Variants in SMO observed in about 807,000 individuals in gnomAD.
SMO encodes smoothened, frizzled class receptor.
A neutral mutation model predicts 81.6 loss-of-function variants in SMO; 40 were observed. That is an observed-to-expected ratio of 0.49 (90% confidence interval 0.38 to 0.64). The LOEUF (loss-of-function observed/expected upper bound fraction) is 0.64. Among genes scored for constraint, SMO ranks in the 30% least tolerant of loss-of-function variants. SMO has a pLI of 0.00. For missense variants in SMO, 916 were observed against 1,061.1 expected, an observed-to-expected ratio of 0.86 and a Z score of 1.90; for synonymous variants, 434 against 432.1, an observed-to-expected ratio of 1.00 and a Z score of -0.05.
chr7:129,206,201 C>T lies in SMO; in HGVS notation c.972C>T (p.Ala324=), dbSNP rs1214444654. Residue 324 remains alanine, a synonymous_variant, in exon 5 of 12, where the codon GCC becomes GCT. Transcript: ENST00000249373. The surrounding 1 kb of genome is among the most constrained non-coding windows in gnomAD (Gnocchi z 4.4). ...TCATCTTTGTCATCGTGTACTACGC[C>T]CTGATGGCTGGTGTGGTTTGGTTTG... ...CVIIFVIVYY[A]LMAGVVWFVV... is the part of the protein sequence containing the mutation. 2.5e-6 allele frequency: 4 copies of T among 1,613,758 alleles called. No individual in the cohort carries two copies. Among genetic ancestry groups the T allele is most frequent in the Admixed American group, 1.7e-5 (1 of 60,002 alleles).
intron 1 of SMO, among the ~76,000 whole-genome samples, chr7:129,194,208 T>A (rs557313294): frequency 7.7e-4 from 117 of 151,506 alleles, no homozygotes; most frequent in Non-Finnish European, 1.3e-3. Flanking sequence ...AAGTCTTTTT[T>A]AAAAAAAAAT....
At position 129,189,561 on chromosome 7, in the gene SMO, G is replaced by T; in HGVS notation, c.331+79G>T. On this transcript the variant is annotated intron_variant, in intron 1 of 11. Coordinates refer to ENST00000249373, the MANE Select transcript of SMO (RefSeq NM_005631.5). This position sits in a 1 kb window ranked among gnomAD's most constrained non-coding sequence, Gnocchi z 4.7. The stretch of plus-strand genomic sequence containing the variant: ...GGCACCCTTGGAAAGAACAGGCTCA[G>T]GCCTGAGTTTTGGAGAGGGCGGGGA... 6.8e-7 allele frequency: 1 copy of T among 1,474,906 alleles called. No individual in the cohort carries two copies. Among genetic ancestry groups the T allele is most frequent in the Non-Finnish European group, 9.1e-7 (1 of 1,100,468 alleles). The allele number at this position is 1,474,906 out of a possible 1,614,324, so 91.4% of individuals were successfully genotyped here. A position where few individuals can be genotyped will look rare whatever the true frequency, so the allele number is the denominator to read the frequency against.
chr7:129,201,499 T>A (rs1415649542), intron 1 of SMO, among the ~76,000 whole-genome samples: 1 of 152,180 alleles, frequency 6.6e-6, no homozygotes, highest in Non-Finnish European at 1.5e-5. Flanking sequence ...CATAGACTTA[T>A]GTAACCAGCC....
rs2150637490 is a variant in SMO, at chr7:129,189,031, T to G, written c.-121T>G. The G allele has an allele frequency of 2.3e-6, 2 of 882,578 alleles. No individual in the cohort carries two copies. Among genetic ancestry groups the G allele is most frequent in the Non-Finnish European group, 3.0e-6 (2 of 677,606 alleles). 54.7% of individuals were successfully genotyped at this position (882,578 alleles called of 1,614,324 possible). On this transcript the variant is annotated 5_prime_UTR_variant, in exon 1 of 12. Transcript: ENST00000249373. The surrounding 1 kb of genome is among the most constrained non-coding windows in gnomAD (Gnocchi z 4.7). ...GCGTCCGGGGGGGCCCGGGCCCGGATTCTCTGGGCGCACAGGTCGCCTGAG... is the reference window on the plus strand; with the variant it reads ...GCGTCCGGGGGGGCCCGGGCCCGGAGTCTCTGGGCGCACAGGTCGCCTGAG...
At chr7:129,194,884 C>T (rs1211176895) in intron 1 of SMO, among the ~76,000 whole-genome samples, 4 of 152,068 alleles carry the variant, frequency 2.6e-5, no homozygotes, top group South Asian at 2.1e-4. Flanking sequence ...TGGGTTCAAA[C>T]GATTCTCCTG....
intron 6 of SMO, among the ~76,000 whole-genome samples, chr7:129,207,294 G>A (rs1246455323): frequency 2.0e-5 from 3 of 152,142 alleles, no homozygotes; most frequent in Non-Finnish European, 4.4e-5. Flanking sequence ...AATTCGATAT[G>A]TACTGTCAAT....
chr7:129,189,066 CGGCCGCCGA>C lies in SMO; in HGVS notation c.-83_-75del. ...GCACAGGTCGCCTGAGCCGCCTCCGCGGCCGCCGAGGTCGTGCGTGTGGCCGGGGGGCTC... is the reference window on the plus strand; with the variant it reads ...GCACAGGTCGCCTGAGCCGCCTCCGCGGTCGTGCGTGTGGCCGGGGGGCTC... On this transcript the variant is annotated 5_prime_UTR_variant, in exon 1 of 12. Coordinates refer to ENST00000249373, the MANE Select transcript of SMO (RefSeq NM_005631.5). This position sits in a 1 kb window ranked among gnomAD's most constrained non-coding sequence, Gnocchi z 4.7. 8.5e-7 allele frequency: 1 copy of C among 1,175,772 alleles called. No individual in the cohort carries two copies. The highest frequency in any genetic ancestry group is 1.1e-6 in the Non-Finnish European group (1 of 944,014). The allele number at this position is 1,175,772 out of a possible 1,614,324, so 72.8% of individuals were successfully genotyped here.
intron 1 of SMO, among the ~76,000 whole-genome samples, chr7:129,195,359 C>G (rs572307658): frequency 4.8e-4 from 73 of 152,292 alleles, no homozygotes; most frequent in Non-Finnish European, 9.3e-4. Flanking sequence ...TATTATCAGC[C>G]TTTTACATTT....
intron 1 of SMO, among the ~76,000 whole-genome samples, chr7:129,190,266 G>C (rs1398945138): frequency 6.6e-6 from 1 of 152,186 alleles, no homozygotes; most frequent in Non-Finnish European, 1.5e-5. Context: ...CTTCCATGGT[G>C]GTTTGAAGTC....
Position 129,201,869 on chromosome 7 carries a change from C to T in SMO, c.332-1515C>T, listed in dbSNP as rs1384239391. Among the ~76,000 whole-genome samples the T allele has an allele frequency of 3.9e-5, 6 of 152,012 alleles. 1 individual carries two copies. In the Middle Eastern group the frequency reaches 0.01, roughly 259 times the overall value. On this transcript the variant is annotated intron_variant, in intron 1 of 11. Coordinates refer to ENST00000249373, the MANE Select transcript of SMO (RefSeq NM_005631.5). ...CTAATTTTTGTATTTTTAGTAGAGA[C>T]GGGGTTTCACCTTGTTGGCCAGGCT...
At chr7:129,207,242 A>G (rs1345543363) in intron 6 of SMO, among the ~76,000 whole-genome samples, 1 of 152,128 alleles carries the variant, frequency 6.6e-6, no homozygotes, top group African/African-American at 2.4e-5. Flanking sequence ...TACTCTGCCC[A>G]CTTGGACCAA....
chr7:129,206,639 TTGC>T lies in SMO; in HGVS notation c.1264+56_1264+58del. On this transcript the variant is annotated intron_variant, in intron 6 of 11. Transcript: ENST00000249373. This position sits in a 1 kb window ranked among gnomAD's most constrained non-coding sequence, Gnocchi z 4.4. Reference sequence around the variant, plus strand: ...TTGGGCAACAAAATATACTGGGCACTTGCTGCCAGTACTGGGAGCTGCCAGCAC... The same window carrying T: ...TTGGGCAACAAAATATACTGGGCACTTGCCAGTACTGGGAGCTGCCAGCAC... 1 of 1,593,156 alleles carries T rather than the reference TTGC, an allele frequency of 6.3e-7. No individual in the cohort carries two copies.
At position 129,206,655 on chromosome 7, in the gene SMO, G is replaced by A. The variant is rs1793771354; in HGVS notation, c.1264+68G>A. On this transcript the variant is annotated intron_variant, in intron 6 of 11. Transcript: ENST00000249373. The surrounding 1 kb of genome is among the most constrained non-coding windows in gnomAD (Gnocchi z 4.4). ...ACTGGGCACTTGCTGCCAGTACTGGGAGCTGCCAGCACGGCTGCCCCCATG... is the reference window on the plus strand; with the variant it reads ...ACTGGGCACTTGCTGCCAGTACTGGAAGCTGCCAGCACGGCTGCCCCCATG... 5.1e-6 allele frequency: 8 copies of A among 1,557,890 alleles called. No homozygotes were observed. Among genetic ancestry groups the A allele is most frequent in the African/African-American group, 1.3e-5 (1 of 74,182 alleles).
At chr7:129,193,206 T>C (rs1461456318) in intron 1 of SMO, among the ~76,000 whole-genome samples, 1 of 152,226 alleles carries the variant, frequency 6.6e-6, no homozygotes, top group Non-Finnish European at 1.5e-5. Flanking sequence ...GATAGGTCCC[T>C]GAGAGCCAGC....
In SMO at chr7:129,205,595, A is replaced by C. The variant is rs766392321; in HGVS notation, c.748-15A>C. The stretch of plus-strand genomic sequence containing the variant: ...TAACCCTAACCTCACAGAATGGCCC[A>C]CTTCTCTCTTCTAGGCCACATTCGT... On this transcript the variant is annotated splice_polypyrimidine_tract_variant and intron_variant, in intron 3 of 11. Coordinates refer to ENST00000249373, the MANE Select transcript of SMO (RefSeq NM_005631.5). The C allele has an allele frequency of 6.2e-7, 1 of 1,609,058 alleles. No homozygotes were observed. The highest frequency in any genetic ancestry group is 1.1e-5 in the South Asian group (1 of 90,988).
At position 129,188,708 on chromosome 7, in the gene SMO, C is replaced by T. The variant is rs1793433133; in HGVS notation, c.-444C>T. 6.6e-6 allele frequency among the ~76,000 whole-genome samples: 1 copy of T among 151,924 alleles called. No homozygotes were observed. Among genetic ancestry groups the T allele is most frequent in the Non-Finnish European group, 1.5e-5 (1 of 67,942 alleles). ...GGGGAGAGTTCGGGGGGCTGCGGCG[C>T]GCTGGGGCGAAGGTGGCTGCTGGGC... On this transcript the variant is annotated 5_prime_UTR_variant, in exon 1 of 12. Transcript: ENST00000249373. This position sits in a 1 kb window ranked among gnomAD's most constrained non-coding sequence, Gnocchi z 4.9.
rs1793706633 is a variant in SMO, at chr7:129,203,547, C to T, written c.495C>T (p.Asp165=). The T allele has an allele frequency of 6.2e-7, 1 of 1,604,874 alleles. No homozygotes were observed. The highest frequency in any genetic ancestry group is 1.1e-5 in the South Asian group (1 of 90,638). The change falls in exon 2 of 12, where the codon GAC becomes GAT. Residue 165 remains aspartate (D), a synonymous_variant. Coordinates refer to ENST00000249373, the MANE Select transcript of SMO (RefSeq NM_005631.5). ...AIVERERGWP[D]FLRCTPDRFP... ...TGGAGAGGGAGCGGGGCTGGCCTGACTTCCTGCGCTGCACTCCTGACCGCT... is the reference window on the plus strand; with the variant it reads ...TGGAGAGGGAGCGGGGCTGGCCTGATTTCCTGCGCTGCACTCCTGACCGCT...
At position 129,210,916 on chromosome 7, in the gene SMO, G is replaced by A. The variant is rs1793858084; in HGVS notation, c.1653-49G>A. ...TCGCTGGCCCTTCCCAAGATTTGAT[G>A]GGAAGTGGCAGCTTCTTCACGCTCC... On this transcript the variant is annotated intron_variant, in intron 9 of 11. Transcript: ENST00000249373. This position sits in a 1 kb window ranked among gnomAD's most constrained non-coding sequence, Gnocchi z 4.7. The A allele has an allele frequency of 6.5e-7, 1 of 1,538,014 alleles. No homozygotes were observed. The highest frequency in any genetic ancestry group is 1.4e-5 in the African/African-American group (1 of 72,608).
At chr7:129,194,328 G>C (rs1052817259) in intron 1 of SMO, among the ~76,000 whole-genome samples, 3 of 152,068 alleles carry the variant, frequency 2.0e-5, no homozygotes, top group Non-Finnish European at 2.9e-5. Flanking sequence ...ATGGTGCCTG[G>C]AATAGCTGGC....
Sources: gnomAD v4.1 joint callset for allele counts (sites outside exome capture counted in the v4.1 genomes callset) on GRCh38, gnomAD v4.1.1 for gene constraint, Gnocchi (gnomAD v3.1) non-coding constraint, MANE v1.5 for transcripts, NCBI Gene and HGNC (gene_info 2026-07-23, HGNC 2026-07-21) for gene names.